Variants in GALNT2 observed in about 807,000 individuals in gnomAD.
GALNT2 encodes UDP-GalNAc:polypeptide N-acetylgalactosaminyltransferase 2.
In GALNT2, 31 loss-of-function variants were observed where a neutral mutation model predicts 81.4. The observed-to-expected ratio is 0.38, with a 90% CI of 0.29 to 0.51. The LOEUF (loss-of-function observed/expected upper bound fraction) is 0.51, where lower values mean the gene tolerates loss of function less well. Ranked by LOEUF, GALNT2 falls within the 20% of genes least tolerant of loss-of-function variation. The pLI, the probability that GALNT2 is intolerant of heterozygous loss-of-function variation, is 0.87. For synonymous variants in GALNT2, 303 were observed against 287.4 expected, an observed-to-expected ratio of 1.05 and a Z score of -0.55; for missense variants, 629 against 765.7, an observed-to-expected ratio of 0.82 and a Z score of 2.11.
At chr1:230,147,106 C>T (rs6686054) in intron 1 of GALNT2, among the ~76,000 whole-genome samples, 117,442 of 151,774 alleles carry the variant, frequency 0.77, 45,985 homozygotes, top group Admixed American at 0.81. Context: ...CATATCTGGC[C>T]AGCTGGTGAG....
At chr1:230,269,571 C>G (rs1666119077) in intron 14 of GALNT2, among the ~76,000 whole-genome samples, 1 of 152,084 alleles carries the variant, frequency 6.6e-6, no homozygotes, top group African/African-American at 2.4e-5. Context: ...GAGGGCACCA[C>G]CAGATCTCTA....
In GALNT2 at chr1:230,243,221, G is replaced by T; in HGVS notation, c.608-85G>T. The T allele has an allele frequency of 6.8e-7, 1 of 1,481,116 alleles. No individual in the cohort carries two copies. Among genetic ancestry groups the T allele is most frequent in the Non-Finnish European group, 9.0e-7 (1 of 1,117,216 alleles). The allele number at this position is 1,481,116 out of a possible 1,614,324, so 91.7% of individuals were successfully genotyped here. On this transcript the variant is annotated intron_variant, in intron 6 of 15. Transcript: ENST00000366672. The surrounding 1 kb of genome is among the most constrained non-coding windows in gnomAD (Gnocchi z 4.2). Reference sequence around the variant, plus strand: ...CAGAAAGCAGGCTGCAGAGCTGCGGGCAGGGAGGCGTCGCCGGTTGGCATG... The same window carrying T: ...CAGAAAGCAGGCTGCAGAGCTGCGGTCAGGGAGGCGTCGCCGGTTGGCATG...
Position 230,265,386 on chromosome 1 carries a change from C to G in GALNT2, c.1440+19C>G, listed in dbSNP as rs771898417. On this transcript the variant is annotated intron_variant, in intron 14 of 15. Transcript: ENST00000366672. ...AAACCAGGTATGTGCATGGGGAAGC[C>G]AGGTCACCTGCAGGCCCAGAGAGAG... 6.9e-5 allele frequency: 112 copies of G among 1,614,066 alleles called. 1 individual carries two copies. The South Asian group carries it at 1.1e-3, about 16-fold the overall frequency.
intron 14 of GALNT2, among the ~76,000 whole-genome samples, chr1:230,272,829 C>T (rs970107398): frequency 6.6e-5 from 10 of 152,134 alleles, no homozygotes; most frequent in Non-Finnish European, 1.5e-4. Flanking sequence ...AATGCAGTGG[C>T]ACAATCACAG....
At chr1:230,185,431 G>T (rs2102691703) in intron 2 of GALNT2, among the ~76,000 whole-genome samples, 1 of 152,102 alleles carries the variant, frequency 6.6e-6, no homozygotes, top group South Asian at 2.1e-4. Flanking sequence ...AAGGTGTAGT[G>T]GGAGGGGAAG....
chr1:230,280,339 G>C lies in GALNT2; in HGVS notation c.*881G>C, dbSNP rs9431816. On this transcript the variant is annotated 3_prime_UTR_variant, in exon 16 of 16. Transcript: ENST00000366672. Reference sequence around the variant, plus strand: ...GTCAGCCTGAGAGTCCCTACTGTGCGTCAGAATCCACCTTGCGTGCTGTGC... The same window carrying C: ...GTCAGCCTGAGAGTCCCTACTGTGCCTCAGAATCCACCTTGCGTGCTGTGC... 1.8e-5 allele frequency: 5 copies of C among 272,344 alleles called. No individual in the cohort carries two copies. The highest frequency in any genetic ancestry group is 1.1e-4 in the African/African-American group (5 of 45,984). The allele number at this position is 272,344 out of a possible 1,614,324, so 16.9% of individuals were successfully genotyped here.
At position 230,221,902 on chromosome 1, in the gene GALNT2, A is replaced by G. The variant is rs572848804; in HGVS notation, c.375-14112A>G. On this transcript the variant is annotated intron_variant, in intron 3 of 15. Coordinates refer to ENST00000366672, the MANE Select transcript of GALNT2 (RefSeq NM_004481.5). The stretch of plus-strand genomic sequence containing the variant: ...ATATGCACTTAAATCTTTATTAATT[A>G]TAAACTTTTCATTTTTTTCTTCTTT... Among the ~76,000 whole-genome samples the G allele has an allele frequency of 2.6e-5, 4 of 152,148 alleles. No individual in the cohort carries two copies. The South Asian group carries it at 8.3e-4, about 32-fold the overall frequency.
At chr1:230,168,197 C>T (rs1338851488) in intron 1 of GALNT2, among the ~76,000 whole-genome samples, 3 of 152,088 alleles carry the variant, frequency 2.0e-5, no homozygotes, top group African/African-American at 7.2e-5. Context: ...GCTCAGCTAA[C>T]TTAGGGCTAG....
At chr1:230,149,033 A>G (rs906584816) in intron 1 of GALNT2, among the ~76,000 whole-genome samples, 1 of 151,260 alleles carries the variant, frequency 6.6e-6, no homozygotes, top group African/African-American at 2.4e-5. Context: ...GGCACGTACC[A>G]CCACGCCCAG....
At chr1:230,064,439 T>G (rs952526540), upstream of GALNT2, among the ~76,000 whole-genome samples, 3 of 152,216 alleles carry the variant, frequency 2.0e-5, no homozygotes, top group Non-Finnish European at 4.4e-5. Context: ...GTGAGTCACG[T>G]TCTCTGAATT....
chr1:230,257,116 C>T lies in GALNT2; in HGVS notation c.1136+1772C>T, dbSNP rs182276584. On this transcript the variant is annotated intron_variant, in intron 11 of 15. Transcript: ENST00000366672. The surrounding 1 kb of genome is among the most constrained non-coding windows in gnomAD (Gnocchi z 4.6). ...CACAGGGGCAGAAGAGCTAGACAGGCCCGGGCCATGCACCTTTGCAGGTCA... is the reference window on the plus strand; with the variant it reads ...CACAGGGGCAGAAGAGCTAGACAGGTCCGGGCCATGCACCTTTGCAGGTCA... 1.3e-5 allele frequency among the ~76,000 whole-genome samples: 2 copies of T among 152,354 alleles called. No individual in the cohort carries two copies. The highest frequency in any genetic ancestry group is 1.3e-4 in the Admixed American group (2 of 15,306).
chr1:230,178,345 G>T, intron 2 of GALNT2, 34 bp downstream of exon 2: 1 of 1,540,262 alleles, frequency 6.5e-7, no homozygotes, highest in South Asian at 1.1e-5. Context: ...ATCTTGCTTT[G>T]AGCACGTGAT....
chr1:230,159,037 G>A (rs1211337749), intron 1 of GALNT2, among the ~76,000 whole-genome samples: 1 of 152,202 alleles, frequency 6.6e-6, no homozygotes, highest in African/African-American at 2.4e-5. Flanking sequence ...GTCTGGTGAG[G>A]TTGCTGACAC....
At chr1:230,059,893 T>C (rs907044728) in intron 1 of GALNT2, among the ~76,000 whole-genome samples, 3 of 152,218 alleles carry the variant, frequency 2.0e-5, no homozygotes, top group Non-Finnish European at 4.4e-5. Flanking sequence ...ACAAATATCA[T>C]ATTTCCTAAC....
At chr1:230,239,071 T>C (rs1258475309) in intron 6 of GALNT2, among the ~76,000 whole-genome samples, 3 of 152,176 alleles carry the variant, frequency 2.0e-5, no homozygotes, top group Non-Finnish European at 2.9e-5. Context: ...AGAAATTTTG[T>C]ATTTTATCAA....
At chr1:230,092,296 T>A (rs1660116942) in intron 1 of GALNT2, among the ~76,000 whole-genome samples, 1 of 151,082 alleles carries the variant, frequency 6.6e-6, no homozygotes, top group East Asian at 2.0e-4. Flanking sequence ...AGTTCTTTCC[T>A]GGAAAGATCA....
At chr1:230,269,188 C>CTT (rs397972608) in intron 14 of GALNT2, among the ~76,000 whole-genome samples, 7,612 of 105,642 alleles carry the variant, frequency 0.072, 1,062 homozygotes, top group African/African-American at 0.19. Flanking sequence ...GTTGCCCAGG[C>CTT]TTTTTTTTTT....
At position 230,078,937 on chromosome 1, in the gene GALNT2, T is replaced by A. The variant is rs553081780; in HGVS notation, c.126+11531T>A. ...CGATTCTCCACTTCAGCCTCCCAAG[T>A]AGCTGGGACAACAGGCATGAGCCAC... On this transcript the variant is annotated intron_variant, in intron 1 of 15. Transcript: ENST00000366672. Among the ~76,000 whole-genome samples the A allele has an allele frequency of 3.3e-5, 5 of 152,326 alleles. No individual in the cohort carries two copies. In the South Asian group the frequency reaches 1.0e-3, roughly 32 times the overall value.
intron 3 of GALNT2, among the ~76,000 whole-genome samples, chr1:230,211,302 G>A (rs921570118): frequency 6.6e-5 from 10 of 152,324 alleles, no homozygotes; most frequent in South Asian, 2.1e-4. Context: ...GAGGCCACAC[G>A]GGGTGTCACA....
Sources: allele counts gnomAD v4.1 joint callset (sites outside exome capture counted in the v4.1 genomes callset), GRCh38; gene constraint gnomAD v4.1.1; non-coding constraint Gnocchi (gnomAD v3.1); transcripts MANE v1.5; gene names NCBI Gene and HGNC (gene_info 2026-07-23, HGNC 2026-07-21).